The following SDK1 variants were observed in gnomAD, a reference collection of about 807,000 sequenced individuals.
SDK1 encodes sidekick cell adhesion molecule 1, also known as protein sidekick-1.
SDK1 carries 157 observed loss-of-function variants against 245.5 expected under a neutral mutation model. The observed-to-expected ratio is 0.64, with a 90% CI of 0.56 to 0.73. The LOEUF (loss-of-function observed/expected upper bound fraction) is 0.73, where lower values mean the gene tolerates loss of function less well. Among genes scored for constraint, SDK1 ranks in the 30% least tolerant of loss-of-function variants. The probability of loss-of-function intolerance (pLI) is 0.00; values close to 1 mark genes in which losing one functional copy is unlikely to be tolerated. For missense variants in SDK1, 3,583 were observed against 3,002.3 expected (o/e 1.19, Z -4.52); for synonymous variants, 1,647 against 1,278.5 (o/e 1.29, Z -6.15).
intron 2 of SDK1, among the ~76,000 whole-genome samples, chr7:3,636,795 C>G (rs1782468422): frequency 6.6e-6 from 1 of 152,208 alleles, no homozygotes; most frequent in African/African-American, 2.4e-5. Flanking sequence ...GCTACACCAA[C>G]TTACATTCCC....
In SDK1 at chr7:4,118,840, G is replaced by A. The variant is rs552658207; in HGVS notation, c.3823+4566G>A. Among the ~76,000 whole-genome samples the A allele has an allele frequency of 9.3e-4, 138 of 149,034 alleles. 4 individuals are homozygous for A. Among genetic ancestry groups the A allele is most frequent in the African/African-American group, 3.1e-3 (128 of 40,858 alleles). On this transcript the variant is annotated intron_variant, in intron 25 of 44. Coordinates refer to ENST00000404826, the MANE Select transcript of SDK1 (RefSeq NM_152744.4). Reference sequence around the variant, plus strand: ...GACCAGGCACAAGAGACCACATATTGTGTGATTCTATTTGTAGGAAACATC... The same window carrying A: ...GACCAGGCACAAGAGACCACATATTATGTGATTCTATTTGTAGGAAACATC...
At chr7:4,236,447 A>G (rs1013064576) in intron 41 of SDK1, among the ~76,000 whole-genome samples, 2 of 152,202 alleles carry the variant, frequency 1.3e-5, no homozygotes, top group African/African-American at 2.4e-5. Context: ...AGACAGGGCC[A>G]GTCGTTCAGC....
intron 1 of SDK1, among the ~76,000 whole-genome samples, chr7:3,581,688 C>T (rs1453160816): frequency 1.3e-5 from 2 of 152,176 alleles, no homozygotes; most frequent in African/African-American, 4.8e-5. Context: ...GACAAAGACA[C>T]ATATACATGG....
intron 5 of SDK1, among the ~76,000 whole-genome samples, chr7:3,877,869 A>G (rs1001612130): frequency 6.6e-6 from 1 of 152,242 alleles, no homozygotes; most frequent in Non-Finnish European, 1.5e-5. Context: ...TTTAGCCATC[A>G]ATGGAATTTA....
chr7:4,087,856 C>T (rs1781525001), intron 22 of SDK1, among the ~76,000 whole-genome samples: 1 of 152,122 alleles, frequency 6.6e-6, no homozygotes, highest in South Asian at 2.1e-4. Flanking sequence ...TCAGTAGTAC[C>T]ATCTGCAAGG....
chr7:3,835,767 A>T (rs1780016565), intron 5 of SDK1, among the ~76,000 whole-genome samples: 1 of 151,418 alleles, frequency 6.6e-6, no homozygotes, highest in Non-Finnish European at 1.5e-5. Flanking sequence ...TTCTACTCTC[A>T]GAGCTTTTGT....
chr7:3,455,085 T>G (rs952738894), intron 1 of SDK1, among the ~76,000 whole-genome samples: 8 of 152,160 alleles, frequency 5.3e-5, no homozygotes, highest in Non-Finnish European at 1.2e-4. Context: ...CTACTGGTGT[T>G]GGATATCATA....
intron 5 of SDK1, among the ~76,000 whole-genome samples, chr7:3,941,907 C>CT (rs72338979): frequency 0.3 from 39,037 of 128,164 alleles, 6,379 homozygotes; most frequent in Middle Eastern, 0.37. Flanking sequence ...AGACTTCATT[C>CT]TTTTTTTTTT....
In SDK1 at chr7:4,149,344, C is replaced by T; in HGVS notation, c.4506C>T (p.Gly1502=). The T allele has an allele frequency of 1.3e-6, 2 of 1,591,194 alleles. No individual in the cohort carries two copies. Among genetic ancestry groups the T allele is most frequent in the Non-Finnish European group, 1.7e-6 (2 of 1,169,310 alleles). ...ARSLRLQWVP[G]SDGASPIRYF... ...GCCTCCGGCTCCAGTGGGTCCCGGGCAGCGACGGGGCCTCCCCCATCCGGT... is the reference window on the plus strand; with the variant it reads ...GCCTCCGGCTCCAGTGGGTCCCGGGTAGCGACGGGGCCTCCCCCATCCGGT... Residue 1502 remains glycine (G), a synonymous_variant, in exon 30 of 45, where the codon GGC becomes GGT. Transcript: ENST00000404826.
chr7:3,643,939 G>A (rs1583263815), intron 4 of SDK1, among the ~76,000 whole-genome samples: 1 of 150,316 alleles, frequency 6.7e-6, no homozygotes, highest in South Asian at 2.1e-4. Context: ...GAGTCCCTCT[G>A]TCACCCAGGC....
intron 4 of SDK1, among the ~76,000 whole-genome samples, chr7:3,726,567 A>G (rs912139452): frequency 1.3e-5 from 2 of 152,208 alleles, no homozygotes; most frequent in East Asian, 1.9e-4. Context: ...TTGCAAGGCA[A>G]TTGTTACTGA....
At chr7:3,888,079 A>G (rs1781378634) in intron 5 of SDK1, among the ~76,000 whole-genome samples, 2 of 152,370 alleles carry the variant, frequency 1.3e-5, no homozygotes, top group Admixed American at 1.3e-4. Flanking sequence ...CAAAAGAGTT[A>G]GTAAAGAATT....
intron 38 of SDK1, among the ~76,000 whole-genome samples, chr7:4,212,574 C>T (rs1042951955): frequency 3.1e-4 from 47 of 152,160 alleles, no homozygotes; most frequent in African/African-American, 1.0e-3. Context: ...TGTGACCTTC[C>T]GAGTGCCCAG....
chr7:3,606,670 T>C (rs1781435439), intron 1 of SDK1, among the ~76,000 whole-genome samples: 1 of 152,172 alleles, frequency 6.6e-6, no homozygotes, highest in South Asian at 2.1e-4. Context: ...CTGCTTCCCT[T>C]TCTTACTCAG....
chr7:3,779,883 G>T (rs991300040), intron 4 of SDK1, among the ~76,000 whole-genome samples: 5 of 144,802 alleles, frequency 3.5e-5, no homozygotes, highest in Admixed American at 1.4e-4. Context: ...AGTGAGCCGA[G>T]ATTGCACCAC....
intron 3 of SDK1, among the ~76,000 whole-genome samples, 158 bp from the exon 4 acceptor site, chr7:3,641,800 C>G (rs979770996): frequency 6.6e-6 from 1 of 152,216 alleles, no homozygotes; most frequent in Non-Finnish European, 1.5e-5. Flanking sequence ...GCAAGCAGAT[C>G]CGCGTTGGTC....
intron 1 of SDK1, among the ~76,000 whole-genome samples, chr7:3,362,216 C>T (rs971817825): frequency 3.9e-5 from 6 of 152,138 alleles, no homozygotes; most frequent in Admixed American, 3.3e-4. Flanking sequence ...ATTTGGTGGC[C>T]GACTACGACA....
intron 1 of SDK1, among the ~76,000 whole-genome samples, chr7:3,333,633 C>G (rs987693939): frequency 6.6e-6 from 1 of 152,142 alleles, no homozygotes; most frequent in African/African-American, 2.4e-5. Context: ...ATACCCCTAA[C>G]CTAGCACAAA....
intron 4 of SDK1, among the ~76,000 whole-genome samples, chr7:3,710,007 A>G (rs919346890): frequency 3.9e-5 from 6 of 152,240 alleles, no homozygotes; most frequent in African/African-American, 1.4e-4. Flanking sequence ...TTCTGAAATT[A>G]TTTGACATAT....
Sources: allele counts gnomAD v4.1 joint callset (sites outside exome capture counted in the v4.1 genomes callset), GRCh38; gene constraint gnomAD v4.1.1; transcripts MANE v1.5; gene names NCBI Gene and HGNC (gene_info 2026-07-23, HGNC 2026-07-21).